RBM28: variants seen among roughly 807,000 people sequenced by gnomAD.
RBM28 encodes the protein RNA binding motif protein 28.
RBM28 carries 78 observed loss-of-function variants against 98.3 expected under a neutral mutation model. That is an observed-to-expected ratio of 0.79 (90% CI 0.66 to 0.96). The LOEUF (loss-of-function observed/expected upper bound fraction) is 0.96, where lower values mean the gene tolerates loss of function less well. RBM28 is among the 40% of genes least tolerant of loss of function. The pLI, the probability that RBM28 is intolerant of heterozygous loss-of-function variation, is 0.00. For synonymous variants in RBM28, 306 were observed against 330.9 expected, an observed-to-expected ratio of 0.92 and a Z score of 0.82; for missense variants, 838 against 913.0, an observed-to-expected ratio of 0.92 and a Z score of 1.06.
chr7:128,335,296 C>G (rs572615087), intron 8 of RBM28, among the ~76,000 whole-genome samples: 1 of 152,216 alleles, frequency 6.6e-6, no homozygotes, highest in African/African-American at 2.4e-5. Flanking sequence ...TTTCAATTCC[C>G]TAAGAATCTT....
In RBM28 at chr7:128,304,404, G is replaced by A. The variant is rs1795823530; in HGVS notation, c.*6393C>T. 6.6e-6 allele frequency: 1 copy of A among 152,206 alleles called. No homozygotes were observed. The highest frequency in any genetic ancestry group is 1.5e-5 in the Non-Finnish European group (1 of 68,048). The allele number at this position is 152,206 out of a possible 1,614,324, so 9.4% of individuals were successfully genotyped here. A position where few individuals can be genotyped will look rare whatever the true frequency, so the allele number is the denominator to read the frequency against. The stretch of plus-strand genomic sequence containing the variant: ...ACTCAGTGAAAAGACACATGAGATG[G>A]TTCAGTGCTAACTCACCCTTCTGAC... On this transcript the variant is annotated 3_prime_UTR_variant, in exon 19 of 19. Transcript: ENST00000223073.
Position 128,330,531 on chromosome 7 carries a change from G to A in RBM28, c.1129+288C>T, listed in dbSNP as rs137991288. Among the ~76,000 whole-genome samples the A allele has an allele frequency of 7.1e-3, 1,077 of 151,942 alleles. 6 individuals carry two copies. The highest frequency in any genetic ancestry group is 0.011 in the Non-Finnish European group (756 of 67,928). ...CAGGTAGCTGGGACTACAGGTGCAC[G>A]CTGCTAATTTTTTGTATTTTAGTAG... On this transcript the variant is annotated intron_variant, in intron 10 of 18. Coordinates refer to ENST00000223073, the MANE Select transcript of RBM28 (RefSeq NM_018077.3).
rs1795813969 is a variant in RBM28, at chr7:128,303,862, C to T, written c.*6935G>A. The T allele has an allele frequency of 6.6e-6, 1 of 152,164 alleles. No individual in the cohort carries two copies. The highest frequency in any genetic ancestry group is 2.4e-5 in the African/African-American group (1 of 41,424). 9.4% of individuals were successfully genotyped at this position (152,164 alleles called of 1,614,324 possible). On this transcript the variant is annotated 3_prime_UTR_variant, in exon 19 of 19. Coordinates refer to ENST00000223073, the MANE Select transcript of RBM28 (RefSeq NM_018077.3). ...ACACCCATGCACGTATCAGAAGCTA[C>T]CCATGAAAGGCCAAGGGCCTACAGC...
Position 128,323,556 on chromosome 7 carries a change from TCA to T in RBM28, c.1373_1374del (p.Val458GlufsTer4), listed in dbSNP as rs1338114933. ...TCTCTTTTGGCCATATCAGCAGCACTCACACCCTCTGCAGCCTTCGTCCCAGC... is the reference window on the plus strand; with the variant it reads ...TCTCTTTTGGCCATATCAGCAGCACTCACCCTCTGCAGCCTTCGTCCCAGC... ...IRAGTKAAEG[V>X]SAADMAKRER... On this transcript the variant is annotated frameshift_variant, in exon 13 of 19. Coordinates refer to ENST00000223073, the MANE Select transcript of RBM28 (RefSeq NM_018077.3). LOFTEE classifies it high-confidence loss of function. The T allele has an allele frequency of 6.2e-7, 1 of 1,614,110 alleles. No individual in the cohort carries two copies. The highest frequency in any genetic ancestry group is 1.3e-5 in the African/African-American group (1 of 74,940).
chr7:128,324,816 C>A (rs1335642111), intron 11 of RBM28, 122 bp from the exon 12 acceptor site: 24 of 1,312,714 alleles, frequency 1.8e-5, no homozygotes, highest in Non-Finnish European at 2.6e-5. Context: ...GAGTTCAAGG[C>A]CAGCCTGGCC....
chr7:128,334,291 GT>G (rs1796549758), intron 8 of RBM28, among the ~76,000 whole-genome samples: 1 of 152,156 alleles, frequency 6.6e-6, no homozygotes, highest in Non-Finnish European at 1.5e-5. Flanking sequence ...TCTACTTTGT[GT>G]ATTACACTCT....
intron 13 of RBM28, among the ~76,000 whole-genome samples, chr7:128,321,652 T>C (rs1796238073): frequency 6.6e-6 from 1 of 152,114 alleles, no homozygotes; most frequent in South Asian, 2.1e-4. Flanking sequence ...TGGAGACCCA[T>C]CCCTAACTGG....
Position 128,343,686 on chromosome 7 carries a change from C to A in RBM28, c.108G>T (p.Val36=). The part of the protein sequence containing the change: ...QVGPVKQCFV[V]TEKGSKACRG... ...CCGCCCCGCCCCTACCTTTTTCAGT[C>A]ACCACGAAGCACTGCTTCACCGGCC... The change falls in exon 1 of 19, where the codon GTG becomes GTT. Residue 36 remains valine, a synonymous_variant. Coordinates refer to ENST00000223073, the MANE Select transcript of RBM28 (RefSeq NM_018077.3). 6.2e-7 allele frequency: 1 copy of A among 1,604,546 alleles called. No homozygotes were observed. Among genetic ancestry groups the A allele is most frequent in the Non-Finnish European group, 8.5e-7 (1 of 1,174,836 alleles).
At chr7:128,314,198 G>A (rs1049221515) in intron 17 of RBM28, among the ~76,000 whole-genome samples, 10 of 152,006 alleles carry the variant, frequency 6.6e-5, no homozygotes, top group Admixed American at 2.0e-4. Flanking sequence ...TCCTGACCTC[G>A]TGATCCACCC....
At chr7:128,319,209 G>T (rs977133445) in intron 14 of RBM28, among the ~76,000 whole-genome samples, 2 of 152,186 alleles carry the variant, frequency 1.3e-5, no homozygotes, top group African/African-American at 4.8e-5. Context: ...GCCTAGAACT[G>T]TCATACACTG....
At chr7:128,340,620 A>G (rs1796704259) in intron 1 of RBM28, among the ~76,000 whole-genome samples, 1 of 152,226 alleles carries the variant, frequency 6.6e-6, no homozygotes, top group East Asian at 1.9e-4. Flanking sequence ...TCAGAACACA[A>G]TAATGCAGTT....
At chr7:128,327,522 C>G (rs1267508396) in intron 10 of RBM28, among the ~76,000 whole-genome samples, 2 of 150,270 alleles carry the variant, frequency 1.3e-5, no homozygotes, top group African/African-American at 4.9e-5. Flanking sequence ...TTTTTTGAGA[C>G]GGAGTTTCGC....
At position 128,335,926 on chromosome 7, in the gene RBM28, C is replaced by A; in HGVS notation, c.730G>T (p.Asp244Tyr). The A allele has an allele frequency of 6.2e-7, 1 of 1,606,838 alleles. No individual in the cohort carries two copies. The highest frequency in any genetic ancestry group is 8.5e-7 in the Non-Finnish European group (1 of 1,175,368). Residue 244 changes from aspartate (D) to tyrosine (Y), a missense_variant, in exon 7 of 19, where the codon GAT becomes TAT. Transcript: ENST00000223073. ...TCATCTTCATCATCAAAAACCCCAT[C>A]TTCTTCATCATCATCATCGTCATCA... ...DDDDDDDDEE[D>Y]GVFDDEDEEE...
rs1024409501 is a variant in RBM28, at chr7:128,312,989, G to A, written c.2145+186C>T. 17 of 630,784 alleles carry A rather than the reference G, an allele frequency of 2.7e-5. No individual in the cohort carries two copies. The East Asian group carries it at 2.8e-4, about 10-fold the overall frequency. The allele number at this position is 630,784 out of a possible 1,614,324, so 39.1% of individuals were successfully genotyped here. A position where few individuals can be genotyped will look rare whatever the true frequency, so the allele number is the denominator to read the frequency against. ...ACTGCTGAAACACAGGAACAGATAC[G>A]TGGAGGTTCATTTTACTTTTTTCTC... On this transcript the variant is annotated intron_variant, in intron 18 of 18. Transcript: ENST00000223073.
At chr7:128,315,053 T>C in intron 16 of RBM28, 33 bp from the exon 17 acceptor site, 1 of 1,614,144 alleles carries the variant, frequency 6.2e-7, no homozygotes, top group East Asian at 2.2e-5. Flanking sequence ...ATCTGGTTTC[T>C]GGATGAGCTT....
chr7:128,313,146 A>T (rs749488772), intron 18 of RBM28, 29 bp downstream of exon 18: 17 of 1,596,256 alleles, frequency 1.1e-5, no homozygotes, highest in Non-Finnish European at 1.5e-5. Context: ...ACCATGCCAT[A>T]CCAAAGCTGT....
intron 17 of RBM28, 49 bp downstream of exon 17, chr7:128,314,715 C>T (rs749695516): frequency 9.3e-6 from 15 of 1,613,602 alleles, no homozygotes; most frequent in Non-Finnish European, 1.7e-6. Context: ...AAAACAAACC[C>T]GCTTAGAACC....
rs910925856 is a variant in RBM28, at chr7:128,302,374, T to C, written c.*8423A>G. The C allele has an allele frequency of 6.6e-6, 1 of 152,142 alleles. No homozygotes were observed. The highest frequency in any genetic ancestry group is 2.4e-5 in the African/African-American group (1 of 41,418). The allele number at this position is 152,142 out of a possible 1,614,324, so 9.4% of individuals were successfully genotyped here. On this transcript the variant is annotated 3_prime_UTR_variant, in exon 19 of 19. Coordinates refer to ENST00000223073, the MANE Select transcript of RBM28 (RefSeq NM_018077.3). ...GTGACTGCCTGAGCAGCTACTTCAA[T>C]CCTAATGTCCCTTTAATAGCTCTCG...
rs1317697752 is a variant in RBM28 at position 128,303,200 on chromosome 7, T to G, written c.*7597A>C. 6.6e-6 allele frequency: 1 copy of G among 152,232 alleles called. No individual in the cohort carries two copies. The allele number at this position is 152,232 out of a possible 1,614,324, so 9.4% of individuals were successfully genotyped here. On this transcript the variant is annotated 3_prime_UTR_variant, in exon 19 of 19. Transcript: ENST00000223073. ...TTGGTATAGCTGGCAAAAAGTGTTC[T>G]GTTCTTATATATGAGACAGTTCCTG...
Sources: allele counts gnomAD v4.1 joint callset (sites outside exome capture counted in the v4.1 genomes callset), GRCh38; gene constraint gnomAD v4.1.1; transcripts MANE v1.5; gene names NCBI Gene and HGNC (gene_info 2026-07-23, HGNC 2026-07-21).